Variants in AGBL4 observed in about 807,000 individuals in gnomAD.
AGBL4 encodes the protein AGBL carboxypeptidase 4, also known as cytosolic carboxypeptidase 6.
AGBL4 carries 58 observed loss-of-function variants against 66.4 expected under a neutral mutation model. That is an observed-to-expected ratio of 0.87 (90% CI 0.71 to 1.09). The LOEUF (loss-of-function observed/expected upper bound fraction) is 1.09, where lower values mean the gene tolerates loss of function less well. Among genes scored for constraint, AGBL4 ranks in the 50% least tolerant of loss-of-function variants. The pLI, the probability that AGBL4 is intolerant of heterozygous loss-of-function variation, is 0.00. For synonymous variants in AGBL4, 234 were observed against 222.9 expected (o/e 1.05, Z -0.44); for missense variants, 579 against 631.0 (o/e 0.92, Z 0.88).
chr1:49,077,507 T>G (rs1644733316), intron 4 of AGBL4, among the ~76,000 whole-genome samples: 1 of 152,114 alleles, frequency 6.6e-6, no homozygotes, highest in African/African-American at 2.4e-5. Context: ...TAAAACTGTG[T>G]AAAGTACCCC....
intron 6 of AGBL4, among the ~76,000 whole-genome samples, chr1:48,857,150 T>A (rs1319650691): frequency 6.6e-6 from 1 of 152,042 alleles, no homozygotes; most frequent in Non-Finnish European, 1.5e-5. Flanking sequence ...ATGTGGAAAA[T>A]ATATATAAAG....
At chr1:48,885,630 T>C (rs1650246595) in intron 5 of AGBL4, among the ~76,000 whole-genome samples, 1 of 152,132 alleles carries the variant, frequency 6.6e-6, no homozygotes, top group Non-Finnish European at 1.5e-5. Context: ...GCCTTTCCCT[T>C]TCTTCTGCTG....
chr1:49,733,220 C>T lies in AGBL4; in HGVS notation c.158-35783G>A, dbSNP rs541600873. ...TTTAAAAAAGAAGGAAAAGTAGAGA[C>T]TTTCCAAGATTAAGACTGAGACAAG... On this transcript the variant is annotated intron_variant, in intron 2 of 13. Coordinates refer to ENST00000371839, the MANE Select transcript of AGBL4 (RefSeq NM_032785.4). Among the ~76,000 whole-genome samples, 10 of 152,168 alleles carry T rather than the reference C, an allele frequency of 6.6e-5. 1 individual carries two copies. In the South Asian group the frequency reaches 2.1e-3, roughly 32 times the overall value.
chr1:48,773,792 G>T (rs1049360730), intron 6 of AGBL4, among the ~76,000 whole-genome samples: 4 of 152,134 alleles, frequency 2.6e-5, no homozygotes, highest in African/African-American at 9.7e-5. Flanking sequence ...GAGCTTCGGT[G>T]TCCTCATCTA....
At chr1:49,586,559 C>G (rs1644650040) in intron 3 of AGBL4, among the ~76,000 whole-genome samples, 2 of 151,878 alleles carry the variant, frequency 1.3e-5, no homozygotes, top group African/African-American at 4.8e-5. Flanking sequence ...AGGAGCTTTG[C>G]CCAAATTTAT....
At position 49,559,052 on chromosome 1, in the gene AGBL4, G is replaced by A. The variant is rs143788853; in HGVS notation, c.282+138261C>T. On this transcript the variant is annotated intron_variant, in intron 3 of 13. Coordinates refer to ENST00000371839, the MANE Select transcript of AGBL4 (RefSeq NM_032785.4). The stretch of plus-strand genomic sequence containing the variant: ...GAAGAACCATGGCCTGGCTGGCTTT[G>A]CCACATGCCACGTATAGAGCCCCAG... 2.8e-4 allele frequency among the ~76,000 whole-genome samples: 43 copies of A among 152,228 alleles called. 1 individual carries two copies. Among genetic ancestry groups the A allele is most frequent in the African/African-American group, 9.9e-4 (41 of 41,532 alleles).
intron 11 of AGBL4, chr1:48,586,070 T>G (rs973966612): frequency 6.6e-6 from 1 of 152,172 alleles, no homozygotes; most frequent in Non-Finnish European, 1.5e-5. Context: ...GAGACATAGA[T>G]CAACCCGAAA....
intron 11 of AGBL4, among the ~76,000 whole-genome samples, chr1:48,547,135 G>A (rs1352520540): frequency 1.3e-5 from 2 of 152,024 alleles, no homozygotes; most frequent in Non-Finnish European, 2.9e-5. Flanking sequence ...AAGAACTCTC[G>A]GCCACCTTAA....
chr1:49,241,610 C>T (rs1215779306), intron 4 of AGBL4, among the ~76,000 whole-genome samples: 1 of 151,964 alleles, frequency 6.6e-6, no homozygotes, highest in Non-Finnish European at 1.5e-5. Flanking sequence ...GACTATGAAA[C>T]ATATCTCTCT....
At chr1:49,117,628 T>C (rs1237598728) in intron 4 of AGBL4, among the ~76,000 whole-genome samples, 2 of 152,204 alleles carry the variant, frequency 1.3e-5, no homozygotes, top group African/African-American at 2.4e-5. Context: ...TGTAGCCTTG[T>C]AGTATAGTTT....
At chr1:48,546,123 C>T (rs1169459803) in intron 11 of AGBL4, among the ~76,000 whole-genome samples, 1 of 152,174 alleles carries the variant, frequency 6.6e-6, no homozygotes, top group Non-Finnish European at 1.5e-5. Flanking sequence ...CTCCGCAATG[C>T]ATACAGTGTA....
chr1:49,371,244 G>GATACATAC lies in AGBL4; in HGVS notation c.283-125381_283-125380insGTATGTAT, dbSNP rs745992132. Among the ~76,000 whole-genome samples the GATACATAC allele has an allele frequency of 2.3e-3, 332 of 141,944 alleles. 1 individual carries two copies. The highest frequency in any genetic ancestry group is 8.6e-3 in the African/African-American group (306 of 35,564). 93.1% of individuals were successfully genotyped at this position (141,944 alleles called of 152,430 possible). A position where few individuals can be genotyped will look rare whatever the true frequency, so the allele number is the denominator to read the frequency against. ...AGATAGATATATAGATAGATAGATA[G>GATACATAC]ATAGATACATACATACATACATACA... On this transcript the variant is annotated intron_variant, in intron 3 of 13. Transcript: ENST00000371839.
At chr1:49,731,382 A>T (rs772443928) in intron 2 of AGBL4, among the ~76,000 whole-genome samples, 1 of 152,216 alleles carries the variant, frequency 6.6e-6, no homozygotes, top group Non-Finnish European at 1.5e-5. Flanking sequence ...TTGTTTTGTA[A>T]AACATAAAGC....
intron 3 of AGBL4, among the ~76,000 whole-genome samples, chr1:49,341,866 T>C (rs943985047): frequency 6.6e-6 from 1 of 152,088 alleles, no homozygotes; most frequent in African/African-American, 2.4e-5. Flanking sequence ...AGGCAATGCT[T>C]TTCTCCCTCC....
chr1:49,898,908 A>G (rs1337149811), intron 1 of AGBL4, among the ~76,000 whole-genome samples: 1 of 152,118 alleles, frequency 6.6e-6, no homozygotes, highest in African/African-American at 2.4e-5. Context: ...TGTGTGTGGG[A>G]GCTAAAAATT....
At chr1:48,683,158 G>C (rs1187222249) in intron 6 of AGBL4, among the ~76,000 whole-genome samples, 3 of 152,208 alleles carry the variant, frequency 2.0e-5, no homozygotes, top group African/African-American at 7.2e-5. Flanking sequence ...CAGCTGTGAT[G>C]GAAGATGCTA....
intron 5 of AGBL4, among the ~76,000 whole-genome samples, chr1:48,992,981 G>A (rs1403880949): frequency 2.6e-5 from 4 of 152,042 alleles, no homozygotes; most frequent in Non-Finnish European, 4.4e-5. Flanking sequence ...ACCCTTATGT[G>A]GCCCAGCTGG....
chr1:48,622,153 T>C (rs1428757261), intron 9 of AGBL4, among the ~76,000 whole-genome samples: 1 of 150,610 alleles, frequency 6.6e-6, no homozygotes, highest in Non-Finnish European at 1.5e-5. Context: ...AAACTCCTTG[T>C]AATTCCCTAA....
intron 3 of AGBL4, among the ~76,000 whole-genome samples, chr1:49,654,745 C>T (rs1010149337): frequency 6.6e-6 from 1 of 152,122 alleles, no homozygotes; most frequent in Non-Finnish European, 1.5e-5. Context: ...AGGATTGCAA[C>T]CCCTGCCTTT....
Sources: allele counts gnomAD v4.1 joint callset (sites outside exome capture counted in the v4.1 genomes callset), GRCh38; gene constraint gnomAD v4.1.1; transcripts MANE v1.5; gene names NCBI Gene and HGNC (gene_info 2026-07-23, HGNC 2026-07-21).